Variants in TMEM17 observed in about 807,000 individuals in gnomAD.
The protein encoded by TMEM17 is transmembrane protein 17.
In TMEM17, 15 loss-of-function variants were observed where a neutral mutation model predicts 19.1. The observed-to-expected ratio is 0.78, with a 90% CI of 0.52 to 1.21. The LOEUF (loss-of-function observed/expected upper bound fraction) is 1.21. TMEM17 is among the 50% of genes most tolerant of loss of function. The pLI is 0.00. For synonymous variants in TMEM17, 103 were observed against 86.9 expected (o/e 1.19, Z -1.03); for missense variants, 245 against 242.3 (o/e 1.01, Z -0.07).
At position 62,506,103 on chromosome 2, in the gene TMEM17, C is replaced by G. The variant is rs368040293; in HGVS notation, c.27G>C (p.Gln9His). The G allele has an allele frequency of 1.2e-6, 2 of 1,611,122 alleles. No homozygotes were observed. Among genetic ancestry groups the G allele is most frequent in the Admixed American group, 3.3e-5 (2 of 59,816 alleles). The change falls in exon 1 of 4, where the codon CAG (glutamine) becomes CAC (histidine). Residue 9 changes from glutamine to histidine, a missense_variant. Gln to His is a conservative substitution (Grantham distance 24). Coordinates refer to ENST00000335390, the MANE Select transcript of TMEM17 (RefSeq NM_198276.3). The stretch of plus-strand genomic sequence containing the variant: ...CGGCCCGGCTGAAGTTTCCCAGCCG[C>G]TGGCGCACCGGATCCGGCAGCTCCA... MELPDPVRQRLGNFSRAVF... is the reference protein window; with the variant it reads MELPDPVRHRLGNFSRAVF...
At chr2:62,499,418 T>C (rs527960047), downstream of TMEM17, among the ~76,000 whole-genome samples, 21 of 152,340 alleles carry the variant, frequency 1.4e-4, no homozygotes, top group Non-Finnish European at 2.6e-4. Flanking sequence ...CAAACAAATA[T>C]GTTTTAGACA....
Position 62,501,269 on chromosome 2 carries a change from G to A in TMEM17, c.537C>T (p.Asp179=). 1.2e-6 allele frequency: 2 copies of A among 1,614,178 alleles called. No homozygotes were observed. Among genetic ancestry groups the A allele is most frequent in the Non-Finnish European group, 1.7e-6 (2 of 1,180,026 alleles). ...LAVRFHLQDF[D]RLSANRGDMR... The stretch of plus-strand genomic sequence containing the variant: ...TGTCTCCTCTGTTTGCAGAGAGCCG[G>A]TCAAAGTCTTGGAGGTGGAAACGAA... The change falls in exon 4 of 4, where the codon GAC becomes GAT. Residue 179 remains aspartate, a synonymous_variant. Coordinates refer to ENST00000335390, the MANE Select transcript of TMEM17 (RefSeq NM_198276.3).
chr2:62,503,315 C>T (rs1420952927), intron 1 of TMEM17, among the ~76,000 whole-genome samples: 1 of 152,154 alleles, frequency 6.6e-6, no homozygotes, highest in Non-Finnish European at 1.5e-5. Flanking sequence ...TCCATCAATA[C>T]TTCCTTCATC....
the TMEM17 span, among the ~76,000 whole-genome samples, chr2:62,464,682 A>G: frequency 6.6e-6 from 1 of 152,144 alleles, no homozygotes. Flanking sequence ...TGTGTGGGAG[A>G]CTGGAGTTTT....
the TMEM17 span, among the ~76,000 whole-genome samples, chr2:62,475,139 G>T: frequency 1.3e-5 from 2 of 152,198 alleles, no homozygotes; most frequent in African/African-American, 4.8e-5. Context: ...GAAGCAGCAG[G>T]AAGGGGGCTG....
chr2:62,487,437 C>G, the TMEM17 span, among the ~76,000 whole-genome samples: 1 of 152,328 alleles, frequency 6.6e-6, no homozygotes. Context: ...CATCTGCAAA[C>G]TGGATTCCCT....
At chr2:62,497,053 T>C (rs1297379529), downstream of TMEM17, among the ~76,000 whole-genome samples, 1 of 152,244 alleles carries the variant, frequency 6.6e-6, no homozygotes, top group Non-Finnish European at 1.5e-5. Context: ...AGGTCATCTC[T>C]GAAAAGATGA....
At chr2:62,475,411 C>T in the TMEM17 span, among the ~76,000 whole-genome samples, 6 of 152,228 alleles carry the variant, frequency 3.9e-5, no homozygotes, top group Non-Finnish European at 7.3e-5. Context: ...CGGGAACCTA[C>T]GAGAGTCCCT....
intron 1 of TMEM17, among the ~76,000 whole-genome samples, chr2:62,504,293 C>T (rs1394853918): frequency 6.6e-6 from 1 of 152,174 alleles, no homozygotes; most frequent in Non-Finnish European, 1.5e-5. Context: ...AGACAACTCA[C>T]CAGCCTAGGA....
At chr2:62,484,279 C>T in the TMEM17 span, among the ~76,000 whole-genome samples, 1 of 152,166 alleles carries the variant, frequency 6.6e-6, no homozygotes, top group Non-Finnish European at 1.5e-5. Context: ...GGGATGTTCC[C>T]ATTGAACAGT....
the TMEM17 span, among the ~76,000 whole-genome samples, chr2:62,493,074 G>A: frequency 1.3e-5 from 2 of 152,210 alleles, no homozygotes; most frequent in Non-Finnish European, 2.9e-5. Context: ...CTCTTGCCCA[G>A]GCTGGAGTGC....
At chr2:62,471,076 C>A in the TMEM17 span, among the ~76,000 whole-genome samples, 1 of 152,184 alleles carries the variant, frequency 6.6e-6, no homozygotes, top group Admixed American at 6.5e-5. Flanking sequence ...ACTGCGGGTT[C>A]CAGGTAGTGC....
At chr2:62,487,533 C>A in the TMEM17 span, among the ~76,000 whole-genome samples, 1 of 152,136 alleles carries the variant, frequency 6.6e-6, no homozygotes, top group Non-Finnish European at 1.5e-5. Context: ...TGATAATAAG[C>A]CCTCACTTTT....
At chr2:62,467,480 A>G in the TMEM17 span, among the ~76,000 whole-genome samples, 5 of 152,182 alleles carry the variant, frequency 3.3e-5, no homozygotes, top group Non-Finnish European at 7.3e-5. Flanking sequence ...TCTTTGTCAA[A>G]ACACTTCTGG....
In TMEM17 at chr2:62,500,303, G is replaced by C. The variant is rs1470502217; in HGVS notation, c.*906C>G. The C allele has an allele frequency of 6.6e-6, 1 of 152,094 alleles. No individual in the cohort carries two copies. The highest frequency in any genetic ancestry group is 1.9e-4 in the East Asian group (1 of 5,204). 9.4% of individuals were successfully genotyped at this position (152,094 alleles called of 1,614,324 possible). A position where few individuals can be genotyped will look rare whatever the true frequency, so the allele number is the denominator to read the frequency against. On this transcript the variant is annotated 3_prime_UTR_variant, in exon 4 of 4. Transcript: ENST00000335390. ...TTACAAATACTGAATATGGTTTTAT[G>C]AAAGTTGTAATTTTATAACAAAAAT...
chr2:62,478,996 G>A, the TMEM17 span, among the ~76,000 whole-genome samples: 2 of 152,126 alleles, frequency 1.3e-5, no homozygotes, highest in Admixed American at 1.3e-4. Context: ...GTGATGTTTT[G>A]ATACATATAA....
the TMEM17 span, among the ~76,000 whole-genome samples, chr2:62,471,002 G>C: frequency 6.6e-6 from 1 of 152,150 alleles, no homozygotes. Flanking sequence ...TCAAAAAGAG[G>C]CCACACCAAG....
chr2:62,461,928 T>C, the TMEM17 span, among the ~76,000 whole-genome samples: 1 of 152,222 alleles, frequency 6.6e-6, no homozygotes, highest in Non-Finnish European at 1.5e-5. Context: ...CTCTTTCCTC[T>C]GACTGTGCAG....
At chr2:62,505,632 G>A (rs1230602105) in intron 1 of TMEM17, among the ~76,000 whole-genome samples, 1 of 152,248 alleles carries the variant, frequency 6.6e-6, no homozygotes. Flanking sequence ...GCCGGGGCGG[G>A]CGCCGCAGAG....
Sources: allele counts gnomAD v4.1 joint callset (sites outside exome capture counted in the v4.1 genomes callset), GRCh38; gene constraint gnomAD v4.1.1; transcripts MANE v1.5; gene names NCBI Gene and HGNC (gene_info 2026-07-23, HGNC 2026-07-21).